The following ITPR2 variants were observed in gnomAD, a reference collection of about 807,000 sequenced individuals.
ITPR2 encodes the protein inositol 1,4,5-trisphosphate receptor type 2.
Under a neutral mutation model 317.1 loss-of-function variants are expected in ITPR2, and 207 were observed. That is an observed-to-expected ratio of 0.65 (90% CI 0.58 to 0.73). The LOEUF (loss-of-function observed/expected upper bound fraction) is 0.73. ITPR2 is among the 30% of genes least tolerant of loss of function. ITPR2 has a pLI of 0.00. For missense variants in ITPR2, 2,613 were observed against 3,284.0 expected (o/e 0.80, Z 4.99); for synonymous variants, 1,156 against 1,149.1 (o/e 1.01, Z -0.12).
intron 21 of ITPR2, among the ~76,000 whole-genome samples, chr12:26,645,200 C>T (rs138732989): frequency 1.2e-3 from 189 of 152,322 alleles, no homozygotes; most frequent in African/African-American, 4.0e-3. Flanking sequence ...ACTGGCAATA[C>T]GTAATTCTAG....
intron 52 of ITPR2, among the ~76,000 whole-genome samples, chr12:26,407,052 G>A (rs542991067): frequency 1.3e-5 from 2 of 152,122 alleles, no homozygotes; most frequent in East Asian, 1.9e-4. Context: ...TGGAATCCTC[G>A]CTTTCCTCCC....
chr12:26,759,306 A>G (rs930346817), intron 2 of ITPR2, among the ~76,000 whole-genome samples: 1 of 152,234 alleles, frequency 6.6e-6, no homozygotes, highest in Non-Finnish European at 1.5e-5. Context: ...GCAAATTCAA[A>G]TGAGTAGGTT....
chr12:26,784,362 C>CTT (rs1950166449), intron 2 of ITPR2, among the ~76,000 whole-genome samples: 1 of 117,616 alleles, frequency 8.5e-6, no homozygotes, highest in Non-Finnish European at 2.0e-5. Context: ...TCTCCCTCTC[C>CTT]CTCCACGGTC....
chr12:26,614,342 T>C (rs529518623), intron 26 of ITPR2, among the ~76,000 whole-genome samples: 2 of 151,320 alleles, frequency 1.3e-5, no homozygotes, highest in South Asian at 4.2e-4. Context: ...TTTGGGGAGC[T>C]AAACCCAAAA....
At position 26,576,526 on chromosome 12, in the gene ITPR2, G is replaced by A. The variant is rs149614426; in HGVS notation, c.4630+2187C>T. Among the ~76,000 whole-genome samples, 30 of 152,306 alleles carry A rather than the reference G, an allele frequency of 2.0e-4. No individual in the cohort carries two copies. In the East Asian group the frequency reaches 5.0e-3, roughly 25 times the overall value. On this transcript the variant is annotated intron_variant, in intron 34 of 56. Transcript: ENST00000381340. ...GAGGAGCGCAGCGCAGTAAGTGTCC[G>A]TGCTGGGTAAGATGTGCAAAAGAGC...
intron 44 of ITPR2, among the ~76,000 whole-genome samples, chr12:26,476,194 T>C (rs1370180451): frequency 6.6e-6 from 1 of 152,204 alleles, no homozygotes; most frequent in Admixed American, 6.5e-5. Flanking sequence ...ACTAATAAAG[T>C]GAGAGCAAAA....
intron 51 of ITPR2, among the ~76,000 whole-genome samples, chr12:26,414,062 C>T (rs1209061854): frequency 6.6e-6 from 1 of 150,800 alleles, no homozygotes; most frequent in African/African-American, 2.5e-5. Context: ...CACACACACA[C>T]ACACACACAC....
At chr12:26,429,660 T>G (rs1034300186) in intron 48 of ITPR2, among the ~76,000 whole-genome samples, 2 of 152,232 alleles carry the variant, frequency 1.3e-5, no homozygotes, top group African/African-American at 4.8e-5. Flanking sequence ...CCTATCGCCA[T>G]GCCTGTTACA....
chr12:26,734,653 G>A (rs1019313240), intron 2 of ITPR2, among the ~76,000 whole-genome samples: 4 of 151,414 alleles, frequency 2.6e-5, no homozygotes, highest in African/African-American at 9.7e-5. Flanking sequence ...TCTAACACAG[G>A]GTATTTTATG....
chr12:26,347,939 C>T (rs1040650415), intron 55 of ITPR2, among the ~76,000 whole-genome samples: 20 of 152,180 alleles, frequency 1.3e-4, no homozygotes, highest in African/African-American at 4.3e-4. Flanking sequence ...TATTGGTAAA[C>T]CATTTAATAT....
At chr12:26,701,437 G>T (rs1290522357) in intron 9 of ITPR2, among the ~76,000 whole-genome samples, 2 of 152,018 alleles carry the variant, frequency 1.3e-5, no homozygotes, top group Non-Finnish European at 2.9e-5. Flanking sequence ...GGCATTTCAG[G>T]ACAAATCTAT....
intron 26 of ITPR2, among the ~76,000 whole-genome samples, chr12:26,613,673 G>T (rs1291467646): frequency 6.6e-6 from 1 of 151,982 alleles, no homozygotes; most frequent in African/African-American, 2.4e-5. Context: ...AATACCTAAG[G>T]GTGATACCCA....
intron 2 of ITPR2, among the ~76,000 whole-genome samples, chr12:26,771,748 C>T (rs1565751238): frequency 6.6e-6 from 1 of 152,040 alleles, no homozygotes; most frequent in South Asian, 2.1e-4. Context: ...CTCCTGATCT[C>T]GTGATCCGCC....
chr12:26,479,261 A>G (rs1942492254), intron 43 of ITPR2, among the ~76,000 whole-genome samples: 1 of 151,618 alleles, frequency 6.6e-6, no homozygotes, highest in Admixed American at 6.6e-5. Flanking sequence ...AAATCAATAA[A>G]AATTTAAATA....
At chr12:26,368,013 T>C (rs1239673740) in intron 55 of ITPR2, among the ~76,000 whole-genome samples, 1 of 152,198 alleles carries the variant, frequency 6.6e-6, no homozygotes, top group Non-Finnish European at 1.5e-5. Context: ...AACTGAACCA[T>C]GCTCTTCTGA....
intron 23 of ITPR2, 115 bp downstream of exon 23, chr12:26,627,918 T>C: frequency 2.2e-6 from 2 of 925,084 alleles, no homozygotes; most frequent in Non-Finnish European, 1.6e-6. Context: ...ACTTAAAGTA[T>C]AATAAAAAAA....
chr12:26,390,287 A>G (rs111410724), intron 54 of ITPR2, among the ~76,000 whole-genome samples: 37 of 152,358 alleles, frequency 2.4e-4, no homozygotes, highest in African/African-American at 8.2e-4. Flanking sequence ...CTGAAAATGT[A>G]TGTTCACATA....
intron 10 of ITPR2, among the ~76,000 whole-genome samples, chr12:26,694,251 A>G (rs1277446646): frequency 6.6e-6 from 1 of 152,230 alleles, no homozygotes; most frequent in Non-Finnish European, 1.5e-5. Context: ...GTCTAAACAC[A>G]GACAAAATAT....
intron 37 of ITPR2, among the ~76,000 whole-genome samples, chr12:26,520,437 A>T (rs1289042695): frequency 2.0e-5 from 3 of 152,144 alleles, no homozygotes; most frequent in Non-Finnish European, 4.4e-5. Context: ...AACACACTTT[A>T]TTCTGGCAAG....
Sources: gnomAD v4.1 joint callset for allele counts (sites outside exome capture counted in the v4.1 genomes callset) on GRCh38, gnomAD v4.1.1 for gene constraint, MANE v1.5 for transcripts, NCBI Gene and HGNC (gene_info 2026-07-23, HGNC 2026-07-21) for gene names.